The following NCALD variants were observed in gnomAD, a reference collection of about 807,000 sequenced individuals.
NCALD encodes neurocalcin delta, also known as neurocalcin-delta.
Under a neutral mutation model 18.6 loss-of-function variants are expected in NCALD, and 10 were observed. The observed-to-expected ratio is 0.54, with a 90% CI of 0.33 to 0.91. The LOEUF (loss-of-function observed/expected upper bound fraction) is 0.91. Ranked by LOEUF, NCALD falls within the 40% of genes least tolerant of loss-of-function variation. The pLI, the probability that NCALD is intolerant of heterozygous loss-of-function variation, is 0.03. For missense variants in NCALD, 184 were observed against 247.6 expected (o/e 0.74, Z 1.72); for synonymous variants, 88 against 87.4 (o/e 1.01, Z -0.04).
chr8:101,751,317 A>G (rs925552889), intron 1 of NCALD, among the ~76,000 whole-genome samples: 12 of 152,142 alleles, frequency 7.9e-5, no homozygotes, highest in African/African-American at 2.7e-4. Flanking sequence ...AGTAGAACAC[A>G]GGTTACCAGG....
chr8:101,902,313 G>A (rs1212932233), intron 3 of NCALD, among the ~76,000 whole-genome samples: 1 of 149,180 alleles, frequency 6.7e-6, no homozygotes, highest in African/African-American at 2.5e-5. Flanking sequence ...CCTAGAAATT[G>A]GAAAAAATAA....
intron 1 of NCALD, among the ~76,000 whole-genome samples, chr8:101,738,605 T>C (rs1486923780): frequency 1.3e-5 from 2 of 149,220 alleles, no homozygotes; most frequent in African/African-American, 4.9e-5. Flanking sequence ...AAATATCACC[T>C]AGAACACGGA....
At chr8:101,987,302 C>A (rs73293354) in intron 2 of NCALD, among the ~76,000 whole-genome samples, 1 of 152,140 alleles carries the variant, frequency 6.6e-6, no homozygotes, top group African/African-American at 2.4e-5. Context: ...TTTTTAAAGC[C>A]AATTTTTCCT....
intron 1 of NCALD, among the ~76,000 whole-genome samples, chr8:102,042,157 T>A (rs1188080155): frequency 1.3e-5 from 2 of 151,966 alleles, no homozygotes. Context: ...AATTTTTATA[T>A]CTCAGTTTAG....
intron 2 of NCALD, among the ~76,000 whole-genome samples, chr8:101,930,576 C>A (rs1940739482): frequency 6.6e-6 from 1 of 151,814 alleles, no homozygotes; most frequent in Admixed American, 6.6e-5. Context: ...CCCTCGTCAC[C>A]CTAAATGGCA....
rs373983746 is a variant in NCALD at position 101,962,925 on chromosome 8, C to CA, written c.-156-47068dup. On this transcript the variant is annotated intron_variant, in intron 2 of 6. Transcript: ENST00000311028. ...AATCCTGGGGCAGGTTAAAAACAAA[C>CA]AAAAAAAACAAAACAAAAAGATGTA... 3.8e-3 allele frequency among the ~76,000 whole-genome samples: 569 copies of CA among 151,186 alleles called. 6 individuals carry two copies. The highest frequency in any genetic ancestry group is 0.013 in the African/African-American group (518 of 41,218).
chr8:101,932,670 C>T (rs1563910137), intron 2 of NCALD, among the ~76,000 whole-genome samples: 1 of 152,110 alleles, frequency 6.6e-6, no homozygotes, highest in African/African-American at 2.4e-5. Context: ...TTCCTTTGCG[C>T]AGAGTCCTTA....
At chr8:101,794,265 C>T (rs1383061459), upstream of NCALD, among the ~76,000 whole-genome samples, 3 of 152,172 alleles carry the variant, frequency 2.0e-5, no homozygotes, top group African/African-American at 2.4e-5. Context: ...CTGTACAACA[C>T]TACAGTTAGC....
At chr8:101,984,971 G>T (rs1009983052) in intron 2 of NCALD, among the ~76,000 whole-genome samples, 1 of 152,144 alleles carries the variant, frequency 6.6e-6, no homozygotes, top group Non-Finnish European at 1.5e-5. Flanking sequence ...CCTTTAAGTA[G>T]CCTGTGACAG....
At chr8:101,927,192 C>A (rs924477968) in intron 2 of NCALD, among the ~76,000 whole-genome samples, 13 of 152,186 alleles carry the variant, frequency 8.5e-5, no homozygotes, top group African/African-American at 2.4e-4. Flanking sequence ...ACCTCTTCAC[C>A]AGTTTATTAT....
chr8:102,052,500 A>G (rs1335587832), intron 1 of NCALD, among the ~76,000 whole-genome samples: 1 of 152,194 alleles, frequency 6.6e-6, no homozygotes, highest in African/African-American at 2.4e-5. Context: ...TCTCAAAAGT[A>G]TTTTCACTTA....
At chr8:101,810,509 T>C (rs995956818) in intron 4 of NCALD, among the ~76,000 whole-genome samples, 1 of 152,188 alleles carries the variant, frequency 6.6e-6, no homozygotes, top group Non-Finnish European at 1.5e-5. Context: ...AATTCCTTAG[T>C]CAGTAAATTA....
intron 3 of NCALD, among the ~76,000 whole-genome samples, chr8:101,900,464 C>T (rs188504612): frequency 2.6e-5 from 4 of 151,994 alleles, no homozygotes; most frequent in Admixed American, 1.3e-4. Context: ...TGAGACTTTC[C>T]TCTTTTCAAA....
intron 2 of NCALD, among the ~76,000 whole-genome samples, chr8:101,972,856 A>T (rs969626735): frequency 2.6e-5 from 4 of 152,174 alleles, no homozygotes; most frequent in African/African-American, 9.7e-5. Flanking sequence ...CCAGAACTGC[A>T]TAGGGTAAGC....
At chr8:101,929,667 A>AGGAAGGAGGGAGGGAG (rs1818499807) in intron 2 of NCALD, among the ~76,000 whole-genome samples, 1 of 40,280 alleles carries the variant, frequency 2.5e-5, no homozygotes, top group African/African-American at 9.9e-5. Flanking sequence ...AAGGAAGGAA[A>AGGAAGGAGGGAGGGAG]GGAAGGAGGG....
At chr8:102,045,970 A>G (rs1171252957) in intron 1 of NCALD, among the ~76,000 whole-genome samples, 1 of 152,254 alleles carries the variant, frequency 6.6e-6, no homozygotes, top group Non-Finnish European at 1.5e-5. Flanking sequence ...CTGAATGCTA[A>G]GATAACTTTC....
intron 1 of NCALD, among the ~76,000 whole-genome samples, chr8:101,763,967 C>CCTCTCTCA (rs1563744178): frequency 1.4e-4 from 1 of 7,068 alleles, no homozygotes; most frequent in South Asian, 1.9e-3. Flanking sequence ...TCTCTCTCTC[C>CCTCTCTCA]ACACACACAC....
intron 3 of NCALD, among the ~76,000 whole-genome samples, chr8:101,911,336 A>G (rs1817788179): frequency 6.9e-6 from 1 of 145,806 alleles, no homozygotes; most frequent in Non-Finnish European, 1.5e-5. Context: ...CCTCTTATGA[A>G]TTTCTCTTTT....
intron 1 of NCALD, among the ~76,000 whole-genome samples, chr8:101,765,583 G>A (rs958008706): frequency 7.9e-5 from 12 of 152,198 alleles, no homozygotes; most frequent in African/African-American, 2.7e-4. Flanking sequence ...CTCAGAATAA[G>A]ATTTGATTAT....
Sources: allele counts gnomAD v4.1 joint callset (sites outside exome capture counted in the v4.1 genomes callset), GRCh38; gene constraint gnomAD v4.1.1; transcripts MANE v1.5; gene names NCBI Gene and HGNC (gene_info 2026-07-23, HGNC 2026-07-21).